Variants in SAA2 observed in about 807,000 individuals in gnomAD.
SAA2 encodes serum amyloid A2, also known as serum amyloid A-2 protein.
In SAA2, 5 loss-of-function variants were observed where a neutral mutation model predicts 9.1. The observed-to-expected ratio is 0.55, with a 90% CI of 0.29 to 1.16. The LOEUF (loss-of-function observed/expected upper bound fraction) is 1.16, where lower values mean the gene tolerates loss of function less well. SAA2 is among the 50% of genes most tolerant of loss of function. The pLI, the probability that SAA2 is intolerant of heterozygous loss-of-function variation, is 0.09. For synonymous variants in SAA2, 49 were observed against 59.8 expected (o/e 0.82, Z 0.83); for missense variants, 94 against 153.8 (o/e 0.61, Z 2.06).
At chr11:18,241,570 C>G (rs1272431717), downstream of SAA2, among the ~76,000 whole-genome samples, 1 of 152,078 alleles carries the variant, frequency 6.6e-6, no homozygotes, top group Non-Finnish European at 1.5e-5. Flanking sequence ...GAATACTATT[C>G]AGCCATTAAA....
downstream of SAA2, chr11:18,245,200 G>A: frequency 2.1e-6 from 3 of 1,410,550 alleles, no homozygotes; most frequent in Non-Finnish European, 2.8e-6. Context: ...GTACCAAACA[G>A]GCAGTCAGCA....
chr11:18,248,166 A>G (rs1338500865), intron 1 of SAA2, 151 bp from the exon 2 acceptor site: 1 of 774,040 alleles, frequency 1.3e-6, no homozygotes, highest in East Asian at 2.7e-5. Flanking sequence ...GACCTCACTC[A>G]GAGCCAGAAG....
rs200634677 is a variant in SAA2 at position 18,245,473 on chromosome 11, C to T, written c.273G>A (p.Ala91=). The change falls in exon 4 of 4, where the codon GCG becomes GCA. Residue 91 remains alanine, a synonymous_variant. Coordinates refer to ENST00000256733, the MANE Select transcript of SAA2 (RefSeq NM_030754.5). ...ENIQRLTGRG[A]EDSLADQAAN... is the part of the protein sequence containing the mutation. ...CAGCCTGATCGGCCAGCGAGTCCTC[C>T]GCACCACGGCCTGTGAGTCTCTGGA... 58 of 1,614,064 alleles carry T rather than the reference C, an allele frequency of 3.6e-5. No individual in the cohort carries two copies. The highest frequency in any genetic ancestry group is 8.3e-5 in the Admixed American group (5 of 60,004).
At chr11:18,243,856 A>G (rs1465735235), downstream of SAA2, among the ~76,000 whole-genome samples, 2 of 151,654 alleles carry the variant, frequency 1.3e-5, no homozygotes, top group African/African-American at 4.9e-5. Context: ...CTCCACACCC[A>G]CCCCTTTGTC....
downstream of SAA2, among the ~76,000 whole-genome samples, chr11:18,243,256 T>C (rs752934937): frequency 5.3e-5 from 8 of 152,184 alleles, no homozygotes; most frequent in African/African-American, 7.2e-5. Context: ...AATATGTTGA[T>C]TGCAAAGTTT....
At chr11:18,239,390 A>C in exon 4 of SAA2, 1 of 256,788 alleles carries the variant, frequency 3.9e-6, no homozygotes, top group Non-Finnish European at 7.3e-6. Flanking sequence ...GTTGGAGTTC[A>C]TTTTCTATTA....
chr11:18,239,592 G>T (rs1590009697), exon 4 of SAA2: 1 of 403,808 alleles, frequency 2.5e-6, no homozygotes, highest in Non-Finnish European at 4.4e-6. Context: ...TAAGCCAAAG[G>T]TGAACTCCTC....
At chr11:18,245,818 A>T in intron 3 of SAA2, 92 bp downstream of exon 3, 1 of 1,460,236 alleles carries the variant, frequency 6.8e-7, no homozygotes, top group East Asian at 2.5e-5. Context: ...CACAGCCTCT[A>T]ACTTCTCCAC....
downstream of SAA2, among the ~76,000 whole-genome samples, chr11:18,241,948 T>G (rs750431092): frequency 3.9e-5 from 6 of 152,160 alleles, no homozygotes; most frequent in Non-Finnish European, 7.3e-5. Flanking sequence ...AAATGCTGAA[T>G]GAACACATGG....
chr11:18,243,137 AT>A (rs556702608), downstream of SAA2, among the ~76,000 whole-genome samples: 2 of 151,754 alleles, frequency 1.3e-5, no homozygotes, highest in Non-Finnish European at 2.9e-5. Context: ...ATTGAATTAA[AT>A]TTTTTTTCAA....
chr11:18,242,830 G>C (rs777807242), downstream of SAA2: 44 of 701,658 alleles, frequency 6.3e-5, no homozygotes, highest in East Asian at 1.1e-3. Flanking sequence ...CTGGATGAAA[G>C]AGGGAGATGC....
downstream of SAA2, among the ~76,000 whole-genome samples, chr11:18,243,916 T>A (rs1177386662): frequency 6.6e-6 from 1 of 152,208 alleles, no homozygotes; most frequent in Non-Finnish European, 1.5e-5. Flanking sequence ...CCTTTGCCAG[T>A]TGGGCATGAT....
chr11:18,240,325 ATTG>A (rs1590010243), downstream of SAA2: 10 of 702,174 alleles, frequency 1.4e-5, no homozygotes, highest in East Asian at 2.7e-4. Flanking sequence ...GTGGAAGGCT[ATTG>A]TTTTCTCTTT....
At chr11:18,243,561 G>A (rs1857411691), downstream of SAA2, among the ~76,000 whole-genome samples, 1 of 151,968 alleles carries the variant, frequency 6.6e-6, no homozygotes, top group Non-Finnish European at 1.5e-5. Flanking sequence ...TATTTATCTT[G>A]CCCTTGCCTT....
intron 2 of SAA2, among the ~76,000 whole-genome samples, chr11:18,247,222 A>G (rs1158537625): frequency 6.6e-6 from 1 of 152,138 alleles, no homozygotes. Context: ...GCTCTTGTCA[A>G]GAAGGCTGGA....
downstream of SAA2, among the ~76,000 whole-genome samples, chr11:18,243,439 C>T (rs1857407776): frequency 6.6e-6 from 1 of 152,148 alleles, no homozygotes; most frequent in African/African-American, 2.4e-5. Context: ...AATAGCATTA[C>T]AGTCTTTTTT....
intron 3 of SAA2, 142 bp downstream of exon 3, chr11:18,245,768 C>T (rs964622513): frequency 3.4e-6 from 5 of 1,457,610 alleles, no homozygotes; most frequent in Non-Finnish European, 4.5e-6. Context: ...GACCCTCACA[C>T]TGAGCACAGA....
chr11:18,239,999 G>A (rs1011112699), intron 3 of SAA2: 117 of 1,550,342 alleles, frequency 7.5e-5, no homozygotes, highest in Middle Eastern at 1.7e-4. Flanking sequence ...AGGAGAAAAA[G>A]TCATATACAC....
chr11:18,245,878 C>T, intron 3 of SAA2, 32 bp downstream of exon 3: 2 of 1,613,712 alleles, frequency 1.2e-6, no homozygotes, highest in South Asian at 1.1e-5. Flanking sequence ...GCTCTGCTCA[C>T]CCAGCCCTAA....
Sources: allele counts gnomAD v4.1 joint callset (sites outside exome capture counted in the v4.1 genomes callset), GRCh38; gene constraint gnomAD v4.1.1; transcripts MANE v1.5; gene names NCBI Gene and HGNC (gene_info 2026-07-23, HGNC 2026-07-21).